PRKN: variants seen among roughly 807,000 people sequenced by gnomAD.
The protein encoded by PRKN is parkin RBR E3 ubiquitin protein ligase.
PRKN carries 56 observed loss-of-function variants against 59.5 expected under a neutral mutation model. The observed-to-expected ratio is 0.94, with a 90% confidence interval of 0.76 to 1.18. The LOEUF (loss-of-function observed/expected upper bound fraction) is 1.18, where lower values mean the gene tolerates loss of function less well. Ranked by LOEUF, PRKN falls within the 50% of genes most tolerant of loss-of-function variation. PRKN has a pLI of 0.00. For missense variants in PRKN, 657 were observed against 596.4 expected (o/e 1.10, Z -1.06); for synonymous variants, 250 against 222.1 (o/e 1.13, Z -1.12).
intron 1 of PRKN, among the ~76,000 whole-genome samples, chr6:162,468,589 T>C (rs1403950159): frequency 6.6e-6 from 1 of 152,250 alleles, no homozygotes; most frequent in Non-Finnish European, 1.5e-5. Context: ...GAATGCAGAT[T>C]GGATGGTAGC....
chr6:162,187,564 G>T (rs1439891845), intron 4 of PRKN, among the ~76,000 whole-genome samples: 2 of 152,138 alleles, frequency 1.3e-5, no homozygotes, highest in Non-Finnish European at 2.9e-5. Flanking sequence ...CCAGCCTAAT[G>T]CAGGCCCAGC....
intron 6 of PRKN, among the ~76,000 whole-genome samples, chr6:161,799,741 G>A (rs1214575378): frequency 6.6e-6 from 1 of 152,230 alleles, no homozygotes. Context: ...AATGCCATGG[G>A]ATCATGTGAT....
intron 4 of PRKN, among the ~76,000 whole-genome samples, chr6:162,148,880 C>T (rs1018197470): frequency 1.3e-5 from 2 of 152,042 alleles, no homozygotes; most frequent in Non-Finnish European, 2.9e-5. Context: ...TACTTTCTGA[C>T]AAGACAAAAA....
intron 4 of PRKN, among the ~76,000 whole-genome samples, chr6:162,094,761 A>C (rs1779658979): frequency 1.3e-5 from 2 of 152,196 alleles, no homozygotes; most frequent in Admixed American, 1.3e-4. Flanking sequence ...CTCCTGTCCC[A>C]CGACTTAGTT....
At chr6:162,707,318 C>T (rs1007527161) in intron 1 of PRKN, among the ~76,000 whole-genome samples, 4 of 152,118 alleles carry the variant, frequency 2.6e-5, no homozygotes, top group African/African-American at 9.7e-5. Context: ...ACTTAACCTA[C>T]TTTTATTTTA....
intron 4 of PRKN, among the ~76,000 whole-genome samples, chr6:162,083,660 C>T (rs1307362694): frequency 6.6e-6 from 1 of 151,970 alleles, no homozygotes; most frequent in Non-Finnish European, 1.5e-5. Context: ...AAATCATCAC[C>T]ATAGAGATTC....
chr6:161,597,836 G>A (rs201364278), intron 7 of PRKN, among the ~76,000 whole-genome samples: 53 of 150,116 alleles, frequency 3.5e-4, no homozygotes, highest in Middle Eastern at 6.9e-3. Context: ...TCCAGCGTGC[G>A]CACACACACA....
chr6:162,667,418 G>A (rs1054642354), intron 1 of PRKN, among the ~76,000 whole-genome samples: 31 of 151,964 alleles, frequency 2.0e-4, no homozygotes, highest in African/African-American at 7.5e-4. Flanking sequence ...ATAAATGCAT[G>A]TTAAGGTATG....
chr6:161,710,445 G>A (rs1474867839), intron 7 of PRKN, among the ~76,000 whole-genome samples: 1 of 152,186 alleles, frequency 6.6e-6, no homozygotes, highest in Admixed American at 6.5e-5. Flanking sequence ...AAGTCAAGGA[G>A]TATCTGTTGT....
intron 7 of PRKN, among the ~76,000 whole-genome samples, chr6:161,756,874 T>C (rs1788949043): frequency 6.6e-6 from 1 of 152,152 alleles, no homozygotes; most frequent in Admixed American, 6.5e-5. Flanking sequence ...GACAGTACGC[T>C]ATTGGCATAC....
chr6:161,851,377 C>T (rs762551451), intron 6 of PRKN, among the ~76,000 whole-genome samples: 124 of 152,268 alleles, frequency 8.1e-4, no homozygotes, highest in Non-Finnish European at 6.9e-4. Context: ...ATTGCCTAGT[C>T]TGTGGTATTC....
At chr6:162,081,600 G>T (rs1256017962) in intron 4 of PRKN, among the ~76,000 whole-genome samples, 1 of 152,056 alleles carries the variant, frequency 6.6e-6, no homozygotes, top group African/African-American at 2.4e-5. Flanking sequence ...AGGCTTTGTT[G>T]TTCCATTTAT....
At chr6:162,616,420 T>G (rs1019353917) in intron 1 of PRKN, among the ~76,000 whole-genome samples, 1 of 152,144 alleles carries the variant, frequency 6.6e-6, no homozygotes, top group Non-Finnish European at 1.5e-5. Context: ...CCCGTTGCTA[T>G]CACTGTAATT....
At chr6:162,381,319 T>C (rs1005538961) in intron 2 of PRKN, among the ~76,000 whole-genome samples, 5 of 152,160 alleles carry the variant, frequency 3.3e-5, no homozygotes, top group Non-Finnish European at 7.4e-5. Flanking sequence ...CCTCCTCCCT[T>C]TCAGTAATGT....
intron 7 of PRKN, among the ~76,000 whole-genome samples, chr6:161,656,927 A>G (rs963809141): frequency 2.6e-5 from 4 of 152,212 alleles, no homozygotes; most frequent in African/African-American, 7.2e-5. Flanking sequence ...ACGAATGTCA[A>G]CGAAGACGGG....
rs200582258 is a variant in PRKN at position 161,525,442 on chromosome 6, G to A, written c.1083+23412C>T. ...ACTCCAACATCTTGCTTTCAGCTTT[G>A]CCCTCTAAATACTGGAATAAAAGGG... On this transcript the variant is annotated intron_variant, in intron 9 of 11. Coordinates refer to ENST00000366898, the MANE Select transcript of PRKN (RefSeq NM_004562.3). The surrounding 1 kb of genome is among the most constrained non-coding windows in gnomAD (Gnocchi z 4.7). Among the ~76,000 whole-genome samples, 6 of 152,162 alleles carry A rather than the reference G, an allele frequency of 3.9e-5. No individual in the cohort carries two copies. In the East Asian group the frequency reaches 7.7e-4, roughly 20 times the overall value.
At chr6:162,681,185 T>C (rs1286936649) in intron 1 of PRKN, among the ~76,000 whole-genome samples, 1 of 152,180 alleles carries the variant, frequency 6.6e-6, no homozygotes, top group Non-Finnish European at 1.5e-5. Flanking sequence ...AAAAATAGTT[T>C]ATTAGCAAAA....
chr6:161,992,986 A>T (rs1365185456), intron 5 of PRKN, among the ~76,000 whole-genome samples: 3 of 152,138 alleles, frequency 2.0e-5, no homozygotes, highest in Non-Finnish European at 4.4e-5. Context: ...ATAGCAATAA[A>T]CACCTACATC....
At chr6:161,887,015 T>C (rs1795179858) in intron 6 of PRKN, among the ~76,000 whole-genome samples, 1 of 152,188 alleles carries the variant, frequency 6.6e-6, no homozygotes, top group African/African-American at 2.4e-5. Flanking sequence ...AAGCAAATGT[T>C]AGAACAAATA....
Sources: gnomAD v4.1 joint callset for allele counts (sites outside exome capture counted in the v4.1 genomes callset) on GRCh38, gnomAD v4.1.1 for gene constraint, Gnocchi (gnomAD v3.1) non-coding constraint, MANE v1.5 for transcripts, NCBI Gene and HGNC (gene_info 2026-07-23, HGNC 2026-07-21) for gene names.